MILR1: variants seen among roughly 807,000 people sequenced by gnomAD.
MILR1 encodes mast cell immunoglobulin like receptor 1.
In MILR1, 31 loss-of-function variants were observed where a neutral mutation model predicts 18.5. That is an observed-to-expected ratio of 1.68 (90% CI 1.26 to 2.26). MILR1 has a LOEUF of 2.26. MILR1 is among the 30% of genes most tolerant of loss of function. MILR1 has a pLI of 0.00. For synonymous variants in MILR1, 85 were observed against 56.2 expected, an observed-to-expected ratio of 1.51 and a Z score of -2.30; for missense variants, 257 against 157.4, an observed-to-expected ratio of 1.63 and a Z score of -3.38.
the MILR1 span, chr17:64,490,840 G>C: frequency 6.2e-7 from 1 of 1,613,576 alleles, no homozygotes; most frequent in Non-Finnish European, 8.5e-7. Flanking sequence ...AAAAGTTCGT[G>C]ATCTCCTAGG....
At chr17:64,460,112 G>A (rs1379363822) in intron 4 of MILR1, among the ~76,000 whole-genome samples, 7 of 150,576 alleles carry the variant, frequency 4.6e-5, no homozygotes, top group African/African-American at 1.2e-4. Flanking sequence ...TGCAACCTCC[G>A]CCTCCTGGGT....
At chr17:64,480,432 G>T in the MILR1 span, 1 of 911,146 alleles carries the variant, frequency 1.1e-6, no homozygotes, top group Non-Finnish European at 1.8e-6. Context: ...AGAAATAATG[G>T]TAGCTAGAGT....
the MILR1 span, chr17:64,496,492 G>GT: frequency 6.2e-7 from 1 of 1,612,800 alleles, no homozygotes; most frequent in East Asian, 2.2e-5. Context: ...TCAGCTCTTT[G>GT]TCTTGCAAGA....
chr17:64,497,225 T>TTTTTCTTGACC, the MILR1 span, among the ~76,000 whole-genome samples: 2 of 152,126 alleles, frequency 1.3e-5, no homozygotes, highest in African/African-American at 4.8e-5. Flanking sequence ...TCAGATTGAC[T>TTTTTCTTGACC]TTTTTCTTTC....
the MILR1 span, among the ~76,000 whole-genome samples, chr17:64,480,778 G>C: frequency 6.6e-6 from 1 of 152,124 alleles, no homozygotes; most frequent in Non-Finnish European, 1.5e-5. Flanking sequence ...CTGAGCCCTA[G>C]GTTATACCAC....
chr17:64,486,539 T>C, the MILR1 span, among the ~76,000 whole-genome samples: 2 of 152,172 alleles, frequency 1.3e-5, no homozygotes, highest in East Asian at 3.9e-4. Flanking sequence ...TTTTTTTCTA[T>C]TTTTAGTAGG....
chr17:64,465,508 G>A lies in MILR1; in HGVS notation c.820G>A (p.Gly274Arg). ...RDRGDTAMEVGIYANILEKQA... is the reference protein window; with the variant it reads ...RDRGDTAMEVRIYANILEKQA... ...CCGTGGAGACACAGCCATGGAAGTT[G>A]GAATCTATGCAAATATCCTTGAAAA... Residue 274 changes from glycine to arginine, a missense_variant, in exon 6 of 10, where the codon GGA (glycine) becomes AGA (arginine). By Grantham distance (125) the Gly-to-Arg change is moderately radical. Transcript: ENST00000619286. 6.2e-7 allele frequency: 1 copy of A among 1,610,674 alleles called. No individual in the cohort carries two copies. Among genetic ancestry groups the A allele is most frequent in the Non-Finnish European group, 8.5e-7 (1 of 1,178,662 alleles).
Position 64,458,175 on chromosome 17 carries a change from CTCCTTCCTTCCTTCCTTCTT to C in MILR1, c.652+514_652+533del, listed in dbSNP as rs1225678749. Among the ~76,000 whole-genome samples the C allele has an allele frequency of 4.4e-5, 6 of 137,654 alleles. No individual in the cohort carries two copies. The East Asian group carries it at 6.1e-4, about 14-fold the overall frequency. 90.3% of individuals were successfully genotyped at this position (137,654 alleles called of 152,430 possible). On this transcript the variant is annotated intron_variant, in intron 4 of 9. Transcript: ENST00000619286. Reference sequence around the variant, plus strand: ...TTCTTTCCCTTCCTTCCTTCCTTCCCTCCTTCCTTCCTTCCTTCTTTCCTTCCTTCCTTCCTTCTTTCTTT... The same window carrying C: ...TTCTTTCCCTTCCTTCCTTCCTTCCCTCCTTCCTTCCTTCCTTCTTTCTTT...
the MILR1 span, chr17:64,485,332 A>T: frequency 4.9e-6 from 1 of 202,618 alleles, no homozygotes; most frequent in South Asian, 8.3e-5. Flanking sequence ...CATGTGGCAC[A>T]AGACCAGAAG....
chr17:64,472,507 G>C (rs1323431403), downstream of MILR1, among the ~76,000 whole-genome samples: 3 of 118,968 alleles, frequency 2.5e-5, no homozygotes, highest in Non-Finnish European at 5.1e-5. Flanking sequence ...AGAATAACTA[G>C]GGAGAAAACA....
chr17:64,477,403 C>G, the MILR1 span, among the ~76,000 whole-genome samples: 1 of 152,038 alleles, frequency 6.6e-6, no homozygotes, highest in African/African-American at 2.4e-5. Context: ...CTGACTAGCT[C>G]TTGTCTCTTT....
chr17:64,451,137 GTT>G (rs36005647), intron 2 of MILR1, among the ~76,000 whole-genome samples: 5 of 148,382 alleles, frequency 3.4e-5, no homozygotes, highest in East Asian at 2.0e-4. Flanking sequence ...TTTATTTAGG[GTT>G]TTTTTTTTTC....
At chr17:64,477,807 A>C in the MILR1 span, 20 of 1,550,230 alleles carry the variant, frequency 1.3e-5, no homozygotes, top group Admixed American at 1.9e-5. Context: ...AATATTTATT[A>C]TACAAATATA....
the MILR1 span, among the ~76,000 whole-genome samples, chr17:64,494,969 A>G: frequency 3.2e-3 from 483 of 151,342 alleles, 1 homozygote; most frequent in Non-Finnish European, 4.9e-3. Flanking sequence ...GTCAGGAGAT[A>G]GAGACCATCC....
chr17:64,472,942 GT>G (rs1555664890), downstream of MILR1, among the ~76,000 whole-genome samples: 1 of 152,172 alleles, frequency 6.6e-6, no homozygotes, highest in African/African-American at 2.4e-5. Context: ...CATCTGCAGG[GT>G]AACACCAGGG....
the MILR1 span, chr17:64,487,521 T>C: frequency 6.7e-6 from 1 of 148,240 alleles, no homozygotes; most frequent in Admixed American, 6.9e-5. Flanking sequence ...GGCTGAGGCA[T>C]GAGAATCACT....
At chr17:64,449,403 G>A (rs2037115281) in intron 2 of MILR1, 48 bp downstream of exon 2, 1 of 433,504 alleles carries the variant, frequency 2.3e-6, no homozygotes, top group African/African-American at 2.0e-5. Flanking sequence ...TCACTGAAGT[G>A]GTGAGACAGT....
chr17:64,461,924 CAT>C lies in MILR1; in HGVS notation c.763+995_763+996del, dbSNP rs1652177677. Among the ~76,000 whole-genome samples, 6 of 152,302 alleles carry C rather than the reference CAT, an allele frequency of 3.9e-5. No homozygotes were observed. In the South Asian group the frequency reaches 1.0e-3, roughly 26 times the overall value. On this transcript the variant is annotated intron_variant, in intron 5 of 9. Transcript: ENST00000619286. ...TGTCCTCAAGGTTCATCCATGTTGT[CAT>C]ATGTGTCAGAATTTCCTTCCTTGAT... is the stretch of plus-strand genomic sequence containing the variant.
intron 3 of MILR1, among the ~76,000 whole-genome samples, chr17:64,455,701 C>G (rs1170586455): frequency 3.4e-5 from 5 of 147,908 alleles, no homozygotes; most frequent in African/African-American, 1.2e-4. Flanking sequence ...ACCTCGTGAT[C>G]TGCCCACCTC....
Sources: gnomAD v4.1 joint callset for allele counts (sites outside exome capture counted in the v4.1 genomes callset) on GRCh38, gnomAD v4.1.1 for gene constraint, MANE v1.5 for transcripts, NCBI Gene and HGNC (gene_info 2026-07-23, HGNC 2026-07-21) for gene names.